Variants in ZNF345 observed in about 807,000 individuals in gnomAD.
The protein encoded by ZNF345 is zinc finger protein 345, also known as zinc finger protein HZF10.
For synonymous variants in ZNF345, 166 were observed against 187.9 expected (o/e 0.88, Z 0.95); for missense variants, 527 against 589.9 (o/e 0.89, Z 1.10).
intron 3 of ZNF345, chr19:36,892,321 T>C: frequency 6.2e-7 from 1 of 1,613,862 alleles, no homozygotes; most frequent in Non-Finnish European, 8.5e-7. Flanking sequence ...TATCTTACAT[T>C]CCCATGGTTT....
chr19:36,877,403 G>C lies in ZNF345; in HGVS notation c.573G>C (p.Arg191=). The C allele has an allele frequency of 5.0e-6, 8 of 1,613,782 alleles. No homozygotes were observed. Among genetic ancestry groups the C allele is most frequent in the Non-Finnish European group, 6.8e-6 (8 of 1,179,946 alleles). The change falls in exon 3 of 3, where the codon CGG becomes CGC. Residue 191 remains arginine, a synonymous_variant. Transcript: ENST00000420450. ...TTAGTTTTGAATCAGCCCTTATTCG[G>C]CATCACAGAATTCACACAGGTGAGA... ...KSFSFESALI[R]HHRIHTGEKP...
intron 2 of ZNF345, among the ~76,000 whole-genome samples, chr19:36,870,097 A>C (rs774533842): frequency 6.6e-6 from 1 of 152,092 alleles, no homozygotes; most frequent in African/African-American, 2.4e-5. Flanking sequence ...GTTTTTTATT[A>C]ATGATTTGAG....
At chr19:36,867,268 C>G (rs911849827) in intron 2 of ZNF345, among the ~76,000 whole-genome samples, 1 of 152,156 alleles carries the variant, frequency 6.6e-6, no homozygotes, top group Non-Finnish European at 1.5e-5. Context: ...AACAGAACAT[C>G]TTTTCATTTG....
downstream of ZNF345, among the ~76,000 whole-genome samples, chr19:36,881,434 A>T (rs1010326453): frequency 6.6e-6 from 1 of 152,168 alleles, no homozygotes; most frequent in Non-Finnish European, 1.5e-5. Flanking sequence ...GAACTGACTC[A>T]AAGTGGCATA....
chr19:36,853,459 G>C (rs1350841795), intron 2 of ZNF345, among the ~76,000 whole-genome samples: 1 of 151,948 alleles, frequency 6.6e-6, no homozygotes. Context: ...TGTTGGTCAG[G>C]CTGGCCTGGA....
chr19:36,867,146 C>T (rs1444440959), intron 2 of ZNF345, among the ~76,000 whole-genome samples: 2 of 152,168 alleles, frequency 1.3e-5, no homozygotes, highest in African/African-American at 4.8e-5. Context: ...GCCTTTGCCA[C>T]GTTTTTCCCA....
chr19:36,883,736 C>G (rs1331495450), downstream of ZNF345, among the ~76,000 whole-genome samples: 1 of 152,156 alleles, frequency 6.6e-6, no homozygotes, highest in Non-Finnish European at 1.5e-5. Context: ...TAAATGGAAT[C>G]GTACGCTGAA....
chr19:36,890,352 C>T (rs1368680416), intron 3 of ZNF345: 2 of 152,126 alleles, frequency 1.3e-5, no homozygotes. Flanking sequence ...CTAGTGCTGT[C>T]AATGGAGTGG....
In ZNF345 at chr19:36,877,103, A is replaced by G. The variant is rs764648155; in HGVS notation, c.273A>G (p.Glu91=). 1.2e-6 allele frequency: 2 copies of G among 1,613,996 alleles called. No individual in the cohort carries two copies. Among genetic ancestry groups the G allele is most frequent in the Non-Finnish European group, 1.7e-6 (2 of 1,179,982 alleles). ...QRIHTGEKPY[E]CKECGKAFGS... is the part of the protein sequence containing the mutation. ...TTCATACTGGTGAGAAACCTTATGA[A>G]TGCAAAGAATGTGGCAAGGCCTTTG... is the stretch of plus-strand genomic sequence containing the variant. The change falls in exon 3 of 3, where the codon GAA becomes GAG. Residue 91 remains glutamate (E), a synonymous_variant. Coordinates refer to ENST00000420450, the MANE Select transcript of ZNF345 (RefSeq NM_001242472.2).
intron 2 of ZNF345, among the ~76,000 whole-genome samples, chr19:36,859,421 G>C (rs1053483195): frequency 5.9e-5 from 9 of 151,832 alleles, no homozygotes; most frequent in African/African-American, 2.2e-4. Context: ...CTCCCAAAGT[G>C]CTGGGATTAC....
chr19:36,863,667 T>A (rs189969474), intron 2 of ZNF345, among the ~76,000 whole-genome samples: 20 of 152,358 alleles, frequency 1.3e-4, no homozygotes, highest in Non-Finnish European at 2.8e-4. Flanking sequence ...GAGATTCTTT[T>A]AGGATTTTTA....
rs1184518064 is a variant in ZNF345, at chr19:36,878,153, T to C, written c.1323T>C (p.Leu441=). ...CGKAFYSGSS[L]TQHQRIHTGE... ...AGGCTTTTTATAGTGGCTCAAGCCT[T>C]ACTCAGCATCAGAGAATTCATACAG... The change falls in exon 3 of 3, where the codon CTT becomes CTC. Residue 441 remains leucine (L), a synonymous_variant. Coordinates refer to ENST00000420450, the MANE Select transcript of ZNF345 (RefSeq NM_001242472.2). The C allele has an allele frequency of 6.2e-7, 1 of 1,614,016 alleles. No homozygotes were observed. The highest frequency in any genetic ancestry group is 1.3e-5 in the African/African-American group (1 of 74,906).
chr19:36,861,055 A>G (rs1304304972), intron 2 of ZNF345, among the ~76,000 whole-genome samples: 1 of 152,128 alleles, frequency 6.6e-6, no homozygotes, highest in African/African-American at 2.4e-5. Flanking sequence ...GTCAATATGA[A>G]TTCATAGATG....
chr19:36,857,126 G>A (rs978649208), intron 2 of ZNF345, among the ~76,000 whole-genome samples: 5 of 151,978 alleles, frequency 3.3e-5, no homozygotes, highest in Admixed American at 1.3e-4. Flanking sequence ...ATCACGAATT[G>A]TAATGGCCTC....
chr19:36,873,042 T>G (rs1274731208), intron 2 of ZNF345, among the ~76,000 whole-genome samples: 2 of 152,326 alleles, frequency 1.3e-5, no homozygotes, highest in Non-Finnish European at 1.5e-5. Context: ...TCCCATATTT[T>G]CCTATTTTCC....
At chr19:36,871,092 A>G (rs1235101218) in intron 2 of ZNF345, among the ~76,000 whole-genome samples, 1 of 152,244 alleles carries the variant, frequency 6.6e-6, no homozygotes, top group Admixed American at 6.5e-5. Flanking sequence ...TACATGATCA[A>G]GATGTTGGCA....
chr19:36,850,558 G>A (rs780677318), upstream of ZNF345: 3 of 152,358 alleles, frequency 2.0e-5, no homozygotes, highest in Non-Finnish European at 4.4e-5. Context: ...AACTGGCTTA[G>A]CTGGATTCTT....
chr19:36,886,774 T>C (rs1233235300), intron 3 of ZNF345, among the ~76,000 whole-genome samples: 1 of 149,700 alleles, frequency 6.7e-6, no homozygotes, highest in Non-Finnish European at 1.5e-5. Context: ...GATCACGAGG[T>C]CAGGAGATCG....
At chr19:36,892,088 T>G in intron 3 of ZNF345, 1 of 1,614,122 alleles carries the variant, frequency 6.2e-7, no homozygotes, top group South Asian at 1.1e-5. Flanking sequence ...TTCTCACCAG[T>G]GTGAATCCTC....
Sources: gnomAD v4.1 joint callset for allele counts (sites outside exome capture counted in the v4.1 genomes callset) on GRCh38, gnomAD v4.1.1 for gene constraint, MANE v1.5 for transcripts, NCBI Gene and HGNC (gene_info 2026-07-23, HGNC 2026-07-21) for gene names.